The following ERBB4 variants were observed in gnomAD, a reference collection of about 807,000 sequenced individuals.
ERBB4 encodes erb-b2 receptor tyrosine kinase 4.
In ERBB4, 42 loss-of-function variants were observed where a neutral mutation model predicts 158.0. That is an observed-to-expected ratio of 0.27 (90% CI 0.21 to 0.34). The LOEUF (loss-of-function observed/expected upper bound fraction) is 0.34. ERBB4 is among the 10% of genes least tolerant of loss of function. The pLI is 1.00. For synonymous variants in ERBB4, 583 were observed against 558.7 expected, an observed-to-expected ratio of 1.04 and a Z score of -0.61; for missense variants, 1,333 against 1,624.1, an observed-to-expected ratio of 0.82 and a Z score of 3.08.
intron 1 of ERBB4, among the ~76,000 whole-genome samples, chr2:212,183,099 C>A (rs1005897406): frequency 6.6e-6 from 1 of 151,634 alleles, no homozygotes; most frequent in Non-Finnish European, 1.5e-5. Context: ...TAAGTTAAAA[C>A]GATGTTTTAA....
chr2:211,792,622 T>C (rs1025173877), intron 3 of ERBB4, among the ~76,000 whole-genome samples: 5 of 151,846 alleles, frequency 3.3e-5, no homozygotes, highest in African/African-American at 9.7e-5. Context: ...GCAAATCACC[T>C]TGCATATGCT....
At position 212,538,559 on chromosome 2, in the gene ERBB4, C is replaced by A; in HGVS notation, c.-29G>T. 6.3e-7 allele frequency: 1 copy of A among 1,599,500 alleles called. No homozygotes were observed. The highest frequency in any genetic ancestry group is 8.6e-7 in the Non-Finnish European group (1 of 1,166,620). On this transcript the variant is annotated 5_prime_UTR_variant, in exon 1 of 28. Transcript: ENST00000342788. Reference sequence around the variant, plus strand: ...TTGGAAGTCTCAGATCCCGTGCTGACAATTACATGTCCAAATGGCATATCC... The same window carrying A: ...TTGGAAGTCTCAGATCCCGTGCTGAAAATTACATGTCCAAATGGCATATCC...
intron 1 of ERBB4, among the ~76,000 whole-genome samples, chr2:212,399,329 T>C (rs1384738033): frequency 6.6e-6 from 1 of 151,934 alleles, no homozygotes; most frequent in African/African-American, 2.4e-5. Context: ...AGGCAAATAT[T>C]TTCAGACATA....
At chr2:211,627,642 G>T (rs1390607148) in intron 17 of ERBB4, among the ~76,000 whole-genome samples, 2 of 152,176 alleles carry the variant, frequency 1.3e-5, no homozygotes, top group Admixed American at 6.5e-5. Flanking sequence ...TCCTGTCAGT[G>T]TTCAAAGGAG....
intron 1 of ERBB4, among the ~76,000 whole-genome samples, chr2:212,199,821 A>G (rs1467275): frequency 0.94 from 143,168 of 152,142 alleles, 67,413 homozygotes; most frequent in Non-Finnish European, 0.95. Flanking sequence ...AGGACTCCAG[A>G]GACAGCCAAT....
chr2:211,793,548 A>G (rs2076321749), intron 3 of ERBB4, among the ~76,000 whole-genome samples: 1 of 152,002 alleles, frequency 6.6e-6, no homozygotes, highest in Non-Finnish European at 1.5e-5. Context: ...ATGAAGCCAC[A>G]GAAAGCAGTT....
At chr2:211,615,006 AC>A (rs1559350199) in intron 19 of ERBB4, among the ~76,000 whole-genome samples, 2 of 152,108 alleles carry the variant, frequency 1.3e-5, no homozygotes, top group African/African-American at 4.8e-5. Context: ...GCAGTATCTC[AC>A]TGTGGTAAAT....
intron 16 of ERBB4, among the ~76,000 whole-genome samples, 164 bp from the exon 17 acceptor site, chr2:211,630,758 T>C (rs2070087676): frequency 6.6e-6 from 1 of 152,170 alleles, no homozygotes; most frequent in African/African-American, 2.4e-5. Context: ...TACCAAAACC[T>C]TTCTCATGGT....
chr2:212,078,015 A>C (rs1015622720), intron 2 of ERBB4, among the ~76,000 whole-genome samples: 2 of 152,112 alleles, frequency 1.3e-5, no homozygotes, highest in Non-Finnish European at 2.9e-5. Flanking sequence ...ATGATCCATC[A>C]AGAAGGAAAG....
At chr2:212,117,048 C>A in intron 2 of ERBB4, among the ~76,000 whole-genome samples, 1 of 152,264 alleles carries the variant, frequency 6.6e-6, no homozygotes, top group Non-Finnish European at 1.5e-5. Context: ...TACACACATA[C>A]AAAATTGCAT....
chr2:211,852,431 GGTAA>G (rs1360798173), intron 3 of ERBB4, among the ~76,000 whole-genome samples: 2 of 151,750 alleles, frequency 1.3e-5, no homozygotes, highest in African/African-American at 4.8e-5. Flanking sequence ...AGAAGGGTTT[GGTAA>G]GTATTATTTT....
At chr2:211,594,326 C>T (rs2125799240) in intron 19 of ERBB4, among the ~76,000 whole-genome samples, 1 of 152,196 alleles carries the variant, frequency 6.6e-6, no homozygotes, top group Non-Finnish European at 1.5e-5. Context: ...GTAGTCCCAG[C>T]TACTCAGGAG....
intron 1 of ERBB4, among the ~76,000 whole-genome samples, chr2:212,326,406 G>T (rs911314129): frequency 6.7e-6 from 1 of 150,260 alleles, no homozygotes; most frequent in African/African-American, 2.4e-5. Context: ...TTAAATAAAT[G>T]CTCATTTAAA....
At chr2:212,092,796 A>C (rs1333842388) in intron 2 of ERBB4, among the ~76,000 whole-genome samples, 1 of 152,156 alleles carries the variant, frequency 6.6e-6, no homozygotes, top group Non-Finnish European at 1.5e-5. Flanking sequence ...GGAGGGGAAC[A>C]TCACAACCGG....
chr2:211,673,348 A>AT, intron 13 of ERBB4, 91 bp from the exon 14 acceptor site: 1 of 890,894 alleles, frequency 1.1e-6, no homozygotes, highest in Non-Finnish European at 1.9e-6. Context: ...CTATTGGCAG[A>AT]GTAAATTCTA....
At chr2:212,470,353 T>G (rs1689055354) in intron 1 of ERBB4, among the ~76,000 whole-genome samples, 2 of 152,092 alleles carry the variant, frequency 1.3e-5, no homozygotes, top group South Asian at 4.1e-4. Flanking sequence ...CGTGCCTTAT[T>G]TGAGGAACCT....
In ERBB4 at chr2:211,433,026, A is replaced by G. The variant is rs114502769; in HGVS notation, c.2488-1926T>C. Among the ~76,000 whole-genome samples, 1,070 of 152,308 alleles carry G rather than the reference A, an allele frequency of 7.0e-3. 11 individuals are homozygous for G. Among genetic ancestry groups the G allele is most frequent in the African/African-American group, 0.025 (1,019 of 41,554 alleles). On this transcript the variant is annotated intron_variant, in intron 20 of 27. Transcript: ENST00000342788. ...CCAAGGCCTAAGTAAGGGTTGAATG[A>G]TGTCTCCCAATTGGACAGAGTGAGG...
At chr2:211,675,792 T>TTATA (rs34492305) in intron 13 of ERBB4, among the ~76,000 whole-genome samples, 27,843 of 93,282 alleles carry the variant, frequency 0.3, 4,579 homozygotes, top group East Asian at 0.75. Flanking sequence ...AAATATAATA[T>TTATA]TATATATATA....
chr2:212,446,624 T>TCCC (rs1553641392), intron 1 of ERBB4, among the ~76,000 whole-genome samples: 3 of 80,578 alleles, frequency 3.7e-5, no homozygotes, highest in Non-Finnish European at 8.0e-5. Flanking sequence ...TATATATATA[T>TCCC]ATATATATAT....
Sources: allele counts gnomAD v4.1 joint callset (sites outside exome capture counted in the v4.1 genomes callset), GRCh38; gene constraint gnomAD v4.1.1; transcripts MANE v1.5; gene names NCBI Gene and HGNC (gene_info 2026-07-23, HGNC 2026-07-21).